Variants in COL5A2 observed in about 807,000 individuals in gnomAD.
COL5A2 encodes collagen type V alpha 2 chain.
In COL5A2, 23 loss-of-function variants were observed where a neutral mutation model predicts 208.2. The ratio of observed to expected loss-of-function variants is 0.11; its 90% CI spans 0.08 to 0.16. The LOEUF (loss-of-function observed/expected upper bound fraction) is 0.16. Among genes scored for constraint, COL5A2 ranks in the 10% least tolerant of loss-of-function variants. COL5A2 has a pLI of 1.00. For synonymous variants in COL5A2, 625 were observed against 628.5 expected, an observed-to-expected ratio of 0.99 and a Z score of 0.08; for missense variants, 1,590 against 1,956.4, an observed-to-expected ratio of 0.81 and a Z score of 3.53.
the COL5A2 span, among the ~76,000 whole-genome samples, chr2:189,258,735 G>T: frequency 6.6e-6 from 1 of 152,092 alleles, no homozygotes; most frequent in Non-Finnish European, 1.5e-5. Flanking sequence ...ACCTAAAAGA[G>T]GAAGGACAGG....
chr2:189,133,416 C>T (rs940597206), intron 1 of COL5A2, among the ~76,000 whole-genome samples: 2 of 152,062 alleles, frequency 1.3e-5, no homozygotes, highest in Non-Finnish European at 2.9e-5. Flanking sequence ...CCACCACACC[C>T]AGCCTATTCA....
the COL5A2 span, among the ~76,000 whole-genome samples, chr2:189,243,751 A>C: frequency 6.6e-6 from 1 of 152,220 alleles, no homozygotes; most frequent in Non-Finnish European, 1.5e-5. Flanking sequence ...CACAGTCGAA[A>C]GTCTTATCTG....
the COL5A2 span, among the ~76,000 whole-genome samples, chr2:189,320,756 A>T: frequency 1.3e-5 from 2 of 152,250 alleles, no homozygotes; most frequent in African/African-American, 4.8e-5. Flanking sequence ...GTTATTATCC[A>T]GGAGAACTTC....
chr2:189,299,904 T>G, the COL5A2 span, among the ~76,000 whole-genome samples: 1 of 152,168 alleles, frequency 6.6e-6, no homozygotes, highest in Non-Finnish European at 1.5e-5. Flanking sequence ...TATTAAGAAC[T>G]AACCTATTGT....
the COL5A2 span, among the ~76,000 whole-genome samples, chr2:189,294,650 T>C: frequency 6.6e-6 from 1 of 152,196 alleles, no homozygotes; most frequent in African/African-American, 2.4e-5. Flanking sequence ...TATATTTTCA[T>C]TATGTACTGG....
intron 24 of COL5A2, 116 bp downstream of exon 24, chr2:189,064,888 T>A: frequency 2.0e-6 from 2 of 1,008,448 alleles, no homozygotes; most frequent in Non-Finnish European, 3.1e-6. Context: ...GGTATTTGTA[T>A]CCATCTCCTT....
At chr2:189,108,964 ATTAAGT>A (rs1687205275) in intron 2 of COL5A2, among the ~76,000 whole-genome samples, 2 of 83,084 alleles carry the variant, frequency 2.4e-5, no homozygotes, top group Admixed American at 3.0e-4. Flanking sequence ...GAATTACTTT[ATTAAGT>A]TTTTTTTTTT....
chr2:189,212,949 C>A (rs941518340), intron 1 of COL5A2, among the ~76,000 whole-genome samples: 1 of 151,560 alleles, frequency 6.6e-6, no homozygotes, highest in Non-Finnish European at 1.5e-5. Flanking sequence ...AGTGTGACAG[C>A]GCGATCTGAG....
At chr2:189,257,381 G>A in the COL5A2 span, among the ~76,000 whole-genome samples, 1 of 152,124 alleles carries the variant, frequency 6.6e-6, no homozygotes, top group Admixed American at 6.5e-5. Context: ...AAAACATTAT[G>A]TGAACATCAA....
At chr2:189,350,452 G>A in the COL5A2 span, among the ~76,000 whole-genome samples, 38 of 152,106 alleles carry the variant, frequency 2.5e-4, no homozygotes, top group Non-Finnish European at 4.3e-4. Flanking sequence ...ATAACCACAC[G>A]AAAAATAAAA....
the COL5A2 span, among the ~76,000 whole-genome samples, chr2:189,428,263 G>A: frequency 6.6e-6 from 1 of 152,232 alleles, no homozygotes; most frequent in East Asian, 1.9e-4. Flanking sequence ...GGTTTCTCAT[G>A]AATTATTTAG....
At chr2:189,337,502 T>TA in the COL5A2 span, among the ~76,000 whole-genome samples, 4 of 152,036 alleles carry the variant, frequency 2.6e-5, no homozygotes, top group East Asian at 1.9e-4. Flanking sequence ...TTTAATTAAA[T>TA]AAAAAAAAGT....
At chr2:189,108,969 GT>G (rs5837126) in intron 2 of COL5A2, among the ~76,000 whole-genome samples, 100,830 of 139,574 alleles carry the variant, frequency 0.72, 36,648 homozygotes, top group Non-Finnish European at 0.81. Context: ...ACTTTATTAA[GT>G]TTTTTTTTTT....
chr2:189,379,453 T>C, the COL5A2 span, among the ~76,000 whole-genome samples: 3 of 152,230 alleles, frequency 2.0e-5, no homozygotes, highest in Middle Eastern at 3.4e-3. Flanking sequence ...TAGGTGCTGA[T>C]TGCTAAACTG....
At chr2:189,179,385 G>T (rs534746628) in intron 1 of COL5A2, 123 bp downstream of exon 1, 15 of 1,096,528 alleles carry the variant, frequency 1.4e-5, no homozygotes, top group African/African-American at 1.2e-4. Context: ...GTGCAAATCC[G>T]TCAGCCCCCT....
chr2:189,437,092 C>A, the COL5A2 span, among the ~76,000 whole-genome samples: 1 of 152,090 alleles, frequency 6.6e-6, no homozygotes. Context: ...GTTCCAAGAT[C>A]AGCGCTACTG....
intron 3 of COL5A2, among the ~76,000 whole-genome samples, chr2:189,103,822 C>T (rs1687097001): frequency 6.6e-6 from 1 of 151,992 alleles, no homozygotes; most frequent in Non-Finnish European, 1.5e-5. Flanking sequence ...AGAGGGGCTA[C>T]AGGCCCATTG....
Position 189,053,018 on chromosome 2 carries a change from C to A in COL5A2, c.2554G>T (p.Gly852Cys). 6.2e-7 allele frequency: 1 copy of A among 1,611,184 alleles called. No individual in the cohort carries two copies. The highest frequency in any genetic ancestry group is 8.5e-7 in the Non-Finnish European group (1 of 1,177,734). Reference sequence around the variant, plus strand: ...TTTACTCCAGGCTGTCCGTCAGGACCCTATAAAAAATTATACAAACAAGCA... The same window carrying A: ...TTTACTCCAGGCTGTCCGTCAGGACACTATAAAAAATTATACAAACAAGCA... Reference protein sequence around the residue: ...TGAVGFAGPQGPDGQPGVKGE... With the variant: ...TGAVGFAGPQCPDGQPGVKGE... The change falls in exon 39 of 54, where the codon GGT becomes TGT. Residue 852 changes from glycine (G) to cysteine (C), a missense_variant and splice_region_variant. Coordinates refer to ENST00000374866, the MANE Select transcript of COL5A2 (RefSeq NM_000393.5).
At chr2:189,247,342 C>A in the COL5A2 span, among the ~76,000 whole-genome samples, 2,509 of 152,122 alleles carry the variant, frequency 0.016, 33 homozygotes, top group Non-Finnish European at 0.026. Context: ...GTGCTGTGTA[C>A]CCCATCCTTT....
Sources: allele counts gnomAD v4.1 joint callset (sites outside exome capture counted in the v4.1 genomes callset), GRCh38; gene constraint gnomAD v4.1.1; transcripts MANE v1.5; gene names NCBI Gene and HGNC (gene_info 2026-07-23, HGNC 2026-07-21).